Variants in CHL1 observed in about 807,000 individuals in gnomAD.
CHL1 encodes cell adhesion molecule L1 like.
Under a neutral mutation model 141.9 loss-of-function variants are expected in CHL1, and 96 were observed. That is an observed-to-expected ratio of 0.68 (90% CI 0.57 to 0.80). The LOEUF is 0.80. CHL1 is among the 30% of genes least tolerant of loss of function. CHL1 has a pLI of 0.00. For synonymous variants in CHL1, 613 were observed against 502.2 expected, an observed-to-expected ratio of 1.22 and a Z score of -2.95; for missense variants, 1,820 against 1,457.2, an observed-to-expected ratio of 1.25 and a Z score of -4.05.
At chr3:238,625 G>C (rs1692223411) in intron 1 of CHL1, among the ~76,000 whole-genome samples, 1 of 151,986 alleles carries the variant, frequency 6.6e-6, no homozygotes. Context: ...ATAAAACATT[G>C]TAAAGAAACC....
chr3:311,671 G>T (rs1699765713), intron 2 of CHL1, among the ~76,000 whole-genome samples: 1 of 152,164 alleles, frequency 6.6e-6, no homozygotes, highest in Non-Finnish European at 1.5e-5. Flanking sequence ...GGATGCTCCA[G>T]GAGTGAAGCT....
intron 15 of CHL1, chr3:374,010 TCCGAACA>T (rs1559327252): frequency 6.6e-6 from 1 of 152,116 alleles, no homozygotes; most frequent in African/African-American, 2.4e-5. Flanking sequence ...CATGGGAGCC[TCCGAACA>T]CAGCTGTTTC....
At chr3:203,129 A>G (rs1256794981) in intron 1 of CHL1, among the ~76,000 whole-genome samples, 1 of 152,246 alleles carries the variant, frequency 6.6e-6, no homozygotes, top group Non-Finnish European at 1.5e-5. Context: ...ATAATTGTGC[A>G]GTGTAAAGAA....
chr3:371,357 T>A (rs1460013922), intron 15 of CHL1, among the ~76,000 whole-genome samples: 1 of 152,198 alleles, frequency 6.6e-6, no homozygotes, highest in African/African-American at 2.4e-5. Flanking sequence ...TACCACTATG[T>A]AATGCCCTTC....
At chr3:346,625 A>G (rs946920564) in intron 9 of CHL1, among the ~76,000 whole-genome samples, 10 of 152,190 alleles carry the variant, frequency 6.6e-5, no homozygotes, top group East Asian at 1.9e-4. Flanking sequence ...ATGAAAATAT[A>G]TGTTGTTGTG....
At chr3:234,420 C>A (rs1691740703) in intron 1 of CHL1, among the ~76,000 whole-genome samples, 1 of 151,964 alleles carries the variant, frequency 6.6e-6, no homozygotes, top group African/African-American at 2.4e-5. Context: ...TTTATTGTCT[C>A]CCAAGGTTCA....
chr3:274,867 T>A (rs331858), intron 2 of CHL1, among the ~76,000 whole-genome samples: 81,774 of 152,098 alleles, frequency 0.54, 22,885 homozygotes, highest in South Asian at 0.7. Flanking sequence ...TTGAATCCTG[T>A]TGCTTTCTGT....
chr3:197,286 G>C (rs1229079569), intron 1 of CHL1: 2 of 152,436 alleles, frequency 1.3e-5, no homozygotes, highest in Non-Finnish European at 2.9e-5. Flanking sequence ...GGCCGAGGCC[G>C]GATTCGGACA....
At chr3:287,704 A>G (rs1697286465) in intron 2 of CHL1, among the ~76,000 whole-genome samples, 1 of 152,168 alleles carries the variant, frequency 6.6e-6, no homozygotes, top group African/African-American at 2.4e-5. Flanking sequence ...AGCATCAAAT[A>G]TACCAAAAAA....
chr3:333,408 C>T (rs1701619508), intron 5 of CHL1, among the ~76,000 whole-genome samples: 1 of 152,034 alleles, frequency 6.6e-6, no homozygotes, highest in Admixed American at 6.6e-5. Flanking sequence ...ACAGTTTCTA[C>T]TTCTCAATCT....
intron 3 of CHL1, among the ~76,000 whole-genome samples, chr3:322,960 A>T (rs1000991313): frequency 2.6e-5 from 4 of 151,976 alleles, no homozygotes; most frequent in African/African-American, 9.7e-5. Context: ...TATTAATGTT[A>T]TTAATTATCT....
At chr3:201,375 A>T (rs1477847422) in intron 1 of CHL1, among the ~76,000 whole-genome samples, 1 of 152,212 alleles carries the variant, frequency 6.6e-6, no homozygotes. Flanking sequence ...ACAAAGGGAC[A>T]TATTCCGTTT....
At chr3:292,937 G>C (rs1250284060) in intron 2 of CHL1, among the ~76,000 whole-genome samples, 1 of 152,216 alleles carries the variant, frequency 6.6e-6, no homozygotes, top group African/African-American at 2.4e-5. Context: ...GTTTCAACAG[G>C]AGATGTGGTT....
intron 1 of CHL1, among the ~76,000 whole-genome samples, chr3:239,150 T>G (rs184499697): frequency 2.9e-4 from 44 of 152,232 alleles, no homozygotes; most frequent in Middle Eastern, 3.4e-3. Flanking sequence ...CCGGCTTCAC[T>G]GGACATCATC....
At chr3:242,337 C>T (rs1156627774) in intron 1 of CHL1, among the ~76,000 whole-genome samples, 119 of 151,106 alleles carry the variant, frequency 7.9e-4, no homozygotes, top group African/African-American at 2.8e-3. Context: ...TGGCTCACGC[C>T]TGTAATCCCA....
In CHL1 at chr3:328,246, A is replaced by T. The variant is rs755067420; in HGVS notation, c.277A>T (p.Arg93Trp). Residue 93 changes from arginine to tryptophan, a missense_variant, in exon 5 of 28, where the codon AGG (arginine) becomes TGG (tryptophan). By Grantham distance (101) the Arg-to-Trp change is moderately radical. Transcript: ENST00000256509. ...TCCATCGAACAATTCAGGAACATTCAGGATCCCAAACGAGGGGCACATATC... is the reference window on the plus strand; with the variant it reads ...TCCATCGAACAATTCAGGAACATTCTGGATCCCAAACGAGGGGCACATATC... ...IIPSNNSGTF[R>W]IPNEGHISHF... 5 of 1,613,062 alleles carry T rather than the reference A, an allele frequency of 3.1e-6. No individual in the cohort carries two copies. The South Asian group carries it at 5.5e-5, about 18-fold the overall frequency.
chr3:330,255 T>C (rs1213411246), intron 5 of CHL1, among the ~76,000 whole-genome samples: 1 of 152,028 alleles, frequency 6.6e-6, no homozygotes, highest in Non-Finnish European at 1.5e-5. Flanking sequence ...AAGTACCAAA[T>C]GGTAAGGAAA....
intron 1 of CHL1, among the ~76,000 whole-genome samples, chr3:219,586 G>C (rs1230159654): frequency 6.6e-6 from 1 of 152,172 alleles, no homozygotes; most frequent in African/African-American, 2.4e-5. Context: ...ACTAATGCAG[G>C]ACCTAATGCA....
chr3:211,704 G>A (rs192575844), intron 1 of CHL1, among the ~76,000 whole-genome samples: 96 of 152,180 alleles, frequency 6.3e-4, no homozygotes, highest in African/African-American at 1.2e-3. Context: ...GTATTGCACC[G>A]TAGTTTTCAT....
Sources: allele counts gnomAD v4.1 joint callset (sites outside exome capture counted in the v4.1 genomes callset), GRCh38; gene constraint gnomAD v4.1.1; transcripts MANE v1.5; gene names NCBI Gene and HGNC (gene_info 2026-07-23, HGNC 2026-07-21).